Variants in GSG1L observed in about 807,000 individuals in gnomAD.
The protein encoded by GSG1L is GSG1 like, also known as germ cell-specific gene 1-like protein.
In GSG1L, 24 loss-of-function variants were observed where a neutral mutation model predicts 42.1. The observed-to-expected ratio is 0.57, with a 90% CI of 0.41 to 0.80. GSG1L has a LOEUF of 0.80. GSG1L is among the 30% of genes least tolerant of loss of function. GSG1L has a pLI of 0.00. For missense variants in GSG1L, 445 were observed against 472.2 expected (o/e 0.94, Z 0.53); for synonymous variants, 215 against 203.5 (o/e 1.06, Z -0.48).
At position 27,884,459 on chromosome 16, in the gene GSG1L, G is replaced by C; in HGVS notation, c.550+27C>G. 1 of 1,602,896 alleles carries C rather than the reference G, an allele frequency of 6.2e-7. No individual in the cohort carries two copies. The highest frequency in any genetic ancestry group is 8.5e-7 in the Non-Finnish European group (1 of 1,172,806). The stretch of plus-strand genomic sequence containing the variant: ...GCACCCTTTCTCGCCTGTGCTCTGA[G>C]AGGCCACAGGACCAGCCATGCCTTA... On this transcript the variant is annotated intron_variant, in intron 3 of 6. Transcript: ENST00000447459. The surrounding 1 kb of genome is among the most constrained non-coding windows in gnomAD (Gnocchi z 4.4).
At chr16:27,836,575 T>G (rs2083323570) in intron 4 of GSG1L, among the ~76,000 whole-genome samples, 1 of 152,208 alleles carries the variant, frequency 6.6e-6, no homozygotes, top group African/African-American at 2.4e-5. Context: ...TCAAATTAAA[T>G]AATTTCTATT....
At chr16:28,044,709 C>T (rs966278030) in intron 1 of GSG1L, among the ~76,000 whole-genome samples, 2 of 151,422 alleles carry the variant, frequency 1.3e-5, no homozygotes, top group African/African-American at 2.4e-5. Context: ...CTGCAACCTC[C>T]GCCTCTGAGG....
chr16:27,975,396 C>T (rs890233723), intron 1 of GSG1L, among the ~76,000 whole-genome samples: 3 of 152,202 alleles, frequency 2.0e-5, no homozygotes, highest in Non-Finnish European at 4.4e-5. Flanking sequence ...AAGGTGGTCC[C>T]CACCCCTCCT....
chr16:28,061,102 G>A (rs967869907), intron 1 of GSG1L, among the ~76,000 whole-genome samples: 2 of 152,154 alleles, frequency 1.3e-5, no homozygotes, highest in Non-Finnish European at 1.5e-5. Context: ...CACAGAGGAA[G>A]GGAGGCAGAG....
chr16:27,914,571 T>A (rs1464623868), intron 2 of GSG1L, among the ~76,000 whole-genome samples: 1 of 149,564 alleles, frequency 6.7e-6, no homozygotes, highest in Non-Finnish European at 1.5e-5. Context: ...TTGCCCAGGC[T>A]GGAGTGCAGT....
intron 1 of GSG1L, among the ~76,000 whole-genome samples, chr16:27,993,892 T>A (rs1046609110): frequency 1.4e-4 from 22 of 152,138 alleles, no homozygotes; most frequent in Non-Finnish European, 2.5e-4. Flanking sequence ...AGCTAAGGGC[T>A]CACATGTGCA....
chr16:28,045,416 C>T (rs565178599), intron 1 of GSG1L, among the ~76,000 whole-genome samples: 27 of 152,338 alleles, frequency 1.8e-4, no homozygotes, highest in Admixed American at 1.6e-3. Context: ...TGGCTCACGC[C>T]TGTAATTCCA....
chr16:27,893,726 T>C (rs2084157462), intron 2 of GSG1L, among the ~76,000 whole-genome samples: 1 of 152,014 alleles, frequency 6.6e-6, no homozygotes, highest in African/African-American at 2.4e-5. Context: ...ACTACAGACA[T>C]GCACCACCAT....
chr16:27,828,905 G>C lies in GSG1L; in HGVS notation c.714C>G (p.Leu238=). 6.2e-7 allele frequency: 1 copy of C among 1,614,212 alleles called. No homozygotes were observed. The highest frequency in any genetic ancestry group is 8.5e-7 in the Non-Finnish European group (1 of 1,180,040). The part of the protein sequence containing the change: ...TCCMAASVTT[L]NSYTKTVIEF... The stretch of plus-strand genomic sequence containing the variant: ...CAATGACCGTCTTGGTGTAGGAGTT[G>C]AGCGTGGTGACAGAGGCTGCCATGC... The change falls in exon 5 of 7, where the codon CTC becomes CTG. Residue 238 remains leucine (L), a synonymous_variant. Transcript: ENST00000447459.
intron 6 of GSG1L, among the ~76,000 whole-genome samples, chr16:27,796,314 T>C (rs2112790): frequency 0.17 from 26,360 of 152,114 alleles, 2,345 homozygotes; most frequent in African/African-American, 0.23. Context: ...TGGTGGAAAA[T>C]GAATCAGGGA....
At chr16:27,834,914 T>A (rs772793912) in intron 4 of GSG1L, among the ~76,000 whole-genome samples, 1 of 152,200 alleles carries the variant, frequency 6.6e-6, no homozygotes, top group Non-Finnish European at 1.5e-5. Context: ...TCAATTGTAT[T>A]GATTTTTGCT....
intron 1 of GSG1L, among the ~76,000 whole-genome samples, chr16:28,032,981 C>G (rs1208959909): frequency 6.6e-6 from 1 of 152,192 alleles, no homozygotes; most frequent in Non-Finnish European, 1.5e-5. Context: ...CTGTCACCTT[C>G]CTGCTTAAAC....
chr16:27,807,858 T>C (rs1432739374), intron 5 of GSG1L, among the ~76,000 whole-genome samples: 1 of 152,134 alleles, frequency 6.6e-6, no homozygotes, highest in Non-Finnish European at 1.5e-5. Flanking sequence ...AAGAGGAAAA[T>C]AAATTATTTG....
intron 5 of GSG1L, among the ~76,000 whole-genome samples, chr16:27,823,440 G>A (rs1465370915): frequency 6.6e-6 from 1 of 152,040 alleles, no homozygotes; most frequent in East Asian, 1.9e-4. Context: ...CTTGCAGAGG[G>A]TAATCCAACA....
chr16:28,023,640 C>A (rs2085869360), intron 1 of GSG1L, among the ~76,000 whole-genome samples: 1 of 152,194 alleles, frequency 6.6e-6, no homozygotes, highest in Admixed American at 6.5e-5. Context: ...TCTTTCTTTG[C>A]CATCTTGGGG....
rs971268734 is a variant in GSG1L at position 28,059,566 on chromosome 16, C to A, written c.349+3510G>T. ...CCAACGCATGTGGACGTCACCTGTG[C>A]TCCCAGCTGGCACAAGCTCCCACCT... On this transcript the variant is annotated intron_variant, in intron 1 of 6. Transcript: ENST00000447459. The surrounding 1 kb of genome is among the most constrained non-coding windows in gnomAD (Gnocchi z 4.4). Among the ~76,000 whole-genome samples the A allele has an allele frequency of 6.6e-6, 1 of 151,838 alleles. No homozygotes were observed. Among genetic ancestry groups the A allele is most frequent in the Non-Finnish European group, 1.5e-5 (1 of 67,992 alleles).
chr16:28,057,955 C>T (rs1229807653), intron 1 of GSG1L, among the ~76,000 whole-genome samples: 6 of 152,184 alleles, frequency 3.9e-5, no homozygotes, highest in Non-Finnish European at 8.8e-5. Context: ...AACAAAACCT[C>T]CATTTTACAC....
At chr16:27,892,379 C>T (rs1258345418) in intron 2 of GSG1L, among the ~76,000 whole-genome samples, 1 of 151,944 alleles carries the variant, frequency 6.6e-6, no homozygotes, top group Non-Finnish European at 1.5e-5. Flanking sequence ...TCACTGGAGC[C>T]CAGGAGGTTG....
chr16:27,878,395 C>T (rs1319090700), intron 3 of GSG1L, among the ~76,000 whole-genome samples: 1 of 152,182 alleles, frequency 6.6e-6, no homozygotes, highest in African/African-American at 2.4e-5. Context: ...GTAGGAACCC[C>T]TTATGAAACC....
Sources: gnomAD v4.1 joint callset for allele counts (sites outside exome capture counted in the v4.1 genomes callset) on GRCh38, gnomAD v4.1.1 for gene constraint, Gnocchi (gnomAD v3.1) non-coding constraint, MANE v1.5 for transcripts, NCBI Gene and HGNC (gene_info 2026-07-23, HGNC 2026-07-21) for gene names.